Variants in BABAM2 observed in about 807,000 individuals in gnomAD.
BABAM2 encodes BRISC and BRCA1-A complex member 2.
Under a neutral mutation model 54.7 loss-of-function variants are expected in BABAM2, and 31 were observed. The ratio of observed to expected loss-of-function variants is 0.57; its 90% CI spans 0.43 to 0.77. BABAM2 has a LOEUF of 0.77. BABAM2 is among the 30% of genes least tolerant of loss of function. BABAM2 has a pLI of 0.00. For synonymous variants in BABAM2, 167 were observed against 162.9 expected (o/e 1.03, Z -0.19); for missense variants, 364 against 455.8 (o/e 0.80, Z 1.83).
rs1475252480 is a variant in BABAM2, at chr2:28,030,914, T to C, written c.495+5494T>C. 4.6e-5 allele frequency among the ~76,000 whole-genome samples: 7 copies of C among 152,272 alleles called. No homozygotes were observed. In the East Asian group the frequency reaches 1.2e-3, roughly 25 times the overall value. Reference sequence around the variant, plus strand: ...AGGGTACTAAAGAAACTTGCAGATATGCTCTCTGGGACATTATCTTTGAGA... The same window carrying C: ...AGGGTACTAAAGAAACTTGCAGATACGCTCTCTGGGACATTATCTTTGAGA... On this transcript the variant is annotated intron_variant, in intron 5 of 11. Coordinates refer to ENST00000379624, the MANE Select transcript of BABAM2 (RefSeq NM_199191.3).
chr2:28,215,051 A>G (rs1473180482), intron 7 of BABAM2, among the ~76,000 whole-genome samples: 1 of 151,992 alleles, frequency 6.6e-6, no homozygotes, highest in East Asian at 1.9e-4. Context: ...GACCTTAGTC[A>G]GTTTTCACCA....
chr2:27,912,636 G>A (rs1217790897), intron 2 of BABAM2, among the ~76,000 whole-genome samples: 2 of 152,152 alleles, frequency 1.3e-5, no homozygotes, highest in African/African-American at 2.4e-5. Context: ...GAAGGCCTGG[G>A]ATTTAAAACT....
chr2:28,074,964 G>A (rs1664519328), intron 6 of BABAM2, among the ~76,000 whole-genome samples: 1 of 152,132 alleles, frequency 6.6e-6, no homozygotes, highest in African/African-American at 2.4e-5. Context: ...GAAGTGGGAG[G>A]TTTGATATAG....
intron 7 of BABAM2, among the ~76,000 whole-genome samples, chr2:28,198,382 G>A (rs1677861811): frequency 6.6e-6 from 1 of 152,038 alleles, no homozygotes; most frequent in Non-Finnish European, 1.5e-5. Context: ...TAGCCAGGAC[G>A]GTCTCAATCT....
rs1458170786 is a variant in BABAM2, at chr2:28,329,902, C to T, written c.1089-8548C>T. Among the ~76,000 whole-genome samples, 1 of 152,118 alleles carries T rather than the reference C, an allele frequency of 6.6e-6. No individual in the cohort carries two copies. The highest frequency in any genetic ancestry group is 1.5e-5 in the Non-Finnish European group (1 of 68,028). ...AAAAAAAGAAAATGTCAGGCCAATA[C>T]TCCTGATGAACATCAGTGTAAAAAT... On this transcript the variant is annotated intron_variant, in intron 11 of 11. Transcript: ENST00000379624. This position sits in a 1 kb window ranked among gnomAD's most constrained non-coding sequence, Gnocchi z 4.2.
chr2:28,238,857 A>C (rs950736948), intron 8 of BABAM2, among the ~76,000 whole-genome samples: 1 of 152,122 alleles, frequency 6.6e-6, no homozygotes, highest in Admixed American at 6.5e-5. Context: ...AAATTATAAC[A>C]CCGTTTTCCC....
chr2:28,027,733 A>G (rs1025722670), intron 5 of BABAM2, among the ~76,000 whole-genome samples: 1 of 152,138 alleles, frequency 6.6e-6, no homozygotes, highest in African/African-American at 2.4e-5. Context: ...GGTTGTTTCC[A>G]CTTTTTGACT....
At chr2:28,137,479 A>G (rs1280348063) in intron 7 of BABAM2, among the ~76,000 whole-genome samples, 1 of 152,190 alleles carries the variant, frequency 6.6e-6, no homozygotes, top group Non-Finnish European at 1.5e-5. Flanking sequence ...GAATTCTGAA[A>G]AGTAAGTTCA....
chr2:27,890,381 C>T (rs562982045), upstream of BABAM2: 2 of 1,593,522 alleles, frequency 1.3e-6, no homozygotes, highest in Admixed American at 3.4e-5. This position sits in a 1 kb window ranked among gnomAD's most constrained non-coding sequence, Gnocchi z 4.8. Flanking sequence ...TGGACGGTGA[C>T]CTCTGCCCTT....
chr2:28,001,181 T>C (rs1220426131), intron 4 of BABAM2, among the ~76,000 whole-genome samples: 2 of 152,246 alleles, frequency 1.3e-5, no homozygotes, highest in Admixed American at 1.3e-4. Context: ...AACATGATTT[T>C]ACTGATGTCT....
At chr2:28,224,595 G>A (rs573023902) in intron 7 of BABAM2, among the ~76,000 whole-genome samples, 1 of 152,084 alleles carries the variant, frequency 6.6e-6, no homozygotes, top group Non-Finnish European at 1.5e-5. Flanking sequence ...CACTGCTGTG[G>A]GCCTCTGCTG....
chr2:28,326,990 GA>G (rs1690520811), intron 11 of BABAM2, among the ~76,000 whole-genome samples: 1 of 152,210 alleles, frequency 6.6e-6, no homozygotes, highest in South Asian at 2.1e-4. Flanking sequence ...TTGCATTTGA[GA>G]AATATTTATT....
At chr2:28,031,559 T>TA (rs887515469) in intron 5 of BABAM2, among the ~76,000 whole-genome samples, 102 of 151,176 alleles carry the variant, frequency 6.7e-4, no homozygotes, top group Non-Finnish European at 1.3e-3. Context: ...GGTTTTGGGT[T>TA]AAAAAAAAAT....
At chr2:28,210,458 G>A (rs910783628) in intron 7 of BABAM2, among the ~76,000 whole-genome samples, 11 of 152,122 alleles carry the variant, frequency 7.2e-5, no homozygotes, top group African/African-American at 1.4e-4. Flanking sequence ...TTTCATCGAG[G>A]TATGGTGATG....
intron 3 of BABAM2, among the ~76,000 whole-genome samples, chr2:27,969,930 G>C (rs1026174600): frequency 1.3e-5 from 2 of 152,122 alleles, no homozygotes; most frequent in Non-Finnish European, 2.9e-5. Flanking sequence ...AGAGCTGCAG[G>C]TGACCTCTGG....
intron 6 of BABAM2, among the ~76,000 whole-genome samples, chr2:28,118,856 G>C (rs921727693): frequency 2.6e-5 from 4 of 151,932 alleles, no homozygotes; most frequent in African/African-American, 9.7e-5. Flanking sequence ...TTATGGTTTT[G>C]GGTTTTACAT....
At chr2:27,953,195 CT>C (rs1336191656) in intron 3 of BABAM2, among the ~76,000 whole-genome samples, 1 of 151,472 alleles carries the variant, frequency 6.6e-6, no homozygotes, top group Admixed American at 6.6e-5. Context: ...TTTTAATTTT[CT>C]TTGAGACAGA....
At chr2:28,297,843 T>G (rs1687818847) in intron 10 of BABAM2, among the ~76,000 whole-genome samples, 1 of 152,122 alleles carries the variant, frequency 6.6e-6, no homozygotes, top group African/African-American at 2.4e-5. Flanking sequence ...TTACCGCTTC[T>G]CCAAATGCAT....
chr2:28,037,364 T>G (rs1359630478), intron 5 of BABAM2, among the ~76,000 whole-genome samples: 1 of 152,010 alleles, frequency 6.6e-6, no homozygotes, highest in East Asian at 1.9e-4. Flanking sequence ...AGCTCAGAGA[T>G]TTTTTCTGTA....
Sources: gnomAD v4.1 joint callset for allele counts (sites outside exome capture counted in the v4.1 genomes callset) on GRCh38, gnomAD v4.1.1 for gene constraint, Gnocchi (gnomAD v3.1) non-coding constraint, MANE v1.5 for transcripts, NCBI Gene and HGNC (gene_info 2026-07-23, HGNC 2026-07-21) for gene names.